FAM163A: variants seen among roughly 807,000 people sequenced by gnomAD.
FAM163A encodes the protein protein FAM163A.
Under a neutral mutation model 12.0 loss-of-function variants are expected in FAM163A, and 7 were observed. The ratio of observed to expected loss-of-function variants is 0.58; its 90% CI spans 0.33 to 1.10. FAM163A has a LOEUF of 1.10. Among genes scored for constraint, FAM163A ranks in the 50% least tolerant of loss-of-function variants. The pLI, the probability that FAM163A is intolerant of heterozygous loss-of-function variation, is 0.03. For synonymous variants in FAM163A, 101 were observed against 91.0 expected (o/e 1.11, Z -0.62); for missense variants, 202 against 218.6 (o/e 0.92, Z 0.48).
At chr1:179,768,404 G>T (rs1687793611) in intron 1 of FAM163A, among the ~76,000 whole-genome samples, 1 of 152,208 alleles carries the variant, frequency 6.6e-6, no homozygotes, top group Admixed American at 6.5e-5. Flanking sequence ...TGTTTGTACA[G>T]ATTTTTATTA....
chr1:179,758,434 A>C (rs1686334238), intron 1 of FAM163A, among the ~76,000 whole-genome samples: 1 of 152,228 alleles, frequency 6.6e-6, no homozygotes, highest in Non-Finnish European at 1.5e-5. Context: ...CAGAAAGAAA[A>C]AAAGGGTGAA....
chr1:179,750,431 A>T (rs17370070), intron 1 of FAM163A, among the ~76,000 whole-genome samples: 10,410 of 152,248 alleles, frequency 0.068, 468 homozygotes, highest in African/African-American at 0.13. Flanking sequence ...CATCCTGAGG[A>T]AGTGATGATT....
rs796510544 is a variant in FAM163A at position 179,801,838 on chromosome 1, G to A, written c.-135-5960G>A. On this transcript the variant is annotated intron_variant, in intron 1 of 4. Coordinates refer to ENST00000341785, the MANE Select transcript of FAM163A (RefSeq NM_173509.3). Reference sequence around the variant, plus strand: ...ATGTGCAGATACCAGGCAGGCGGCCGGAGTGGAGCTTAACAAAGACGCGTG... The same window carrying A: ...ATGTGCAGATACCAGGCAGGCGGCCAGAGTGGAGCTTAACAAAGACGCGTG... 6.6e-5 allele frequency among the ~76,000 whole-genome samples: 10 copies of A among 152,286 alleles called. No homozygotes were observed. In the East Asian group the frequency reaches 1.4e-3, roughly 21 times the overall value.
At chr1:179,750,897 A>T (rs951162692) in intron 1 of FAM163A, among the ~76,000 whole-genome samples, 12 of 152,106 alleles carry the variant, frequency 7.9e-5, no homozygotes, top group African/African-American at 2.9e-4. Context: ...AGATGTGAGA[A>T]ATTCGAGATG....
At chr1:179,767,836 AAAAAATTTATTGTGGTT>A (rs1272296809) in intron 1 of FAM163A, among the ~76,000 whole-genome samples, 1 of 152,206 alleles carries the variant, frequency 6.6e-6, no homozygotes, top group Non-Finnish European at 1.5e-5. Flanking sequence ...AAGTTTTTTT[AAAAAATTTATTGTGGTT>A]AAAAAAAGCA....
At chr1:179,740,172 T>TTTGTTG (rs58589037), upstream of FAM163A, among the ~76,000 whole-genome samples, 35,002 of 150,940 alleles carry the variant, frequency 0.23, 4,640 homozygotes, top group East Asian at 0.61. Context: ...TTATTTGGTT[T>TTTGTTG]TTGTTGTTGT....
chr1:179,732,483 A>G, the FAM163A span, among the ~76,000 whole-genome samples: 1 of 152,206 alleles, frequency 6.6e-6, no homozygotes, highest in East Asian at 1.9e-4. Context: ...ATGACAAAGT[A>G]CACCATGCCC....
chr1:179,766,759 T>A (rs183441298), intron 1 of FAM163A, among the ~76,000 whole-genome samples: 39 of 151,796 alleles, frequency 2.6e-4, no homozygotes, highest in African/African-American at 8.3e-4. Context: ...CTTTCTTTTT[T>A]TTTTTTCGGT....
chr1:179,749,580 G>A (rs765059102), intron 1 of FAM163A, among the ~76,000 whole-genome samples: 45 of 152,208 alleles, frequency 3.0e-4, no homozygotes, highest in Non-Finnish European at 4.9e-4. Context: ...GGCCAGGCGC[G>A]GTGGCCTACG....
intron 1 of FAM163A, among the ~76,000 whole-genome samples, chr1:179,798,268 T>G (rs1692650863): frequency 6.6e-6 from 1 of 152,202 alleles, no homozygotes; most frequent in East Asian, 1.9e-4. Flanking sequence ...AATGTTCCAT[T>G]CCAGCTCTCT....
chr1:179,745,304 A>T (rs1684313896), intron 1 of FAM163A, among the ~76,000 whole-genome samples: 1 of 152,090 alleles, frequency 6.6e-6, no homozygotes, highest in South Asian at 2.1e-4. Flanking sequence ...TGCAGATGAG[A>T]GCAGGTCCCC....
the FAM163A span, chr1:179,730,401 C>T: frequency 2.0e-5 from 3 of 152,188 alleles, no homozygotes; most frequent in East Asian, 5.8e-4. Context: ...TCACATCTGG[C>T]CTCTTTTGTA....
At chr1:179,763,130 A>T (rs949476960) in intron 1 of FAM163A, among the ~76,000 whole-genome samples, 2 of 152,208 alleles carry the variant, frequency 1.3e-5, no homozygotes, top group Admixed American at 6.5e-5. Context: ...TGGGGAGATG[A>T]CCAGGCAAAT....
chr1:179,739,874 T>C (rs1260178731), upstream of FAM163A, among the ~76,000 whole-genome samples: 1 of 152,198 alleles, frequency 6.6e-6, no homozygotes, highest in Non-Finnish European at 1.5e-5. Context: ...TATACATGTA[T>C]AAGAATGGGT....
intron 1 of FAM163A, among the ~76,000 whole-genome samples, chr1:179,779,935 G>T (rs943894397): frequency 6.6e-6 from 1 of 152,224 alleles, no homozygotes; most frequent in Admixed American, 6.5e-5. Context: ...TATGTGAGAA[G>T]GTTGTTTTGA....
At chr1:179,764,098 C>A (rs1687174044) in intron 1 of FAM163A, among the ~76,000 whole-genome samples, 1 of 152,216 alleles carries the variant, frequency 6.6e-6, no homozygotes, top group African/African-American at 2.4e-5. Context: ...ATCAAGCACT[C>A]TTCCCAGGGC....
chr1:179,777,855 A>G (rs1004945581), intron 1 of FAM163A, among the ~76,000 whole-genome samples: 3 of 152,204 alleles, frequency 2.0e-5, no homozygotes, highest in African/African-American at 7.2e-5. Flanking sequence ...GTTGGTTGCT[A>G]AGAAGCTCAG....
intron 1 of FAM163A, among the ~76,000 whole-genome samples, chr1:179,766,230 A>G (rs1000097335): frequency 6.6e-6 from 1 of 152,172 alleles, no homozygotes; most frequent in South Asian, 2.1e-4. Context: ...CCCAAAGCCA[A>G]CTATGAAACC....
At chr1:179,791,326 A>G (rs769040576) in intron 1 of FAM163A, among the ~76,000 whole-genome samples, 5 of 152,100 alleles carry the variant, frequency 3.3e-5, no homozygotes, top group Non-Finnish European at 5.9e-5. Context: ...CCTCCCTTCT[A>G]GACCATATCC....
Sources: allele counts gnomAD v4.1 joint callset (sites outside exome capture counted in the v4.1 genomes callset), GRCh38; gene constraint gnomAD v4.1.1; transcripts MANE v1.5; gene names NCBI Gene and HGNC (gene_info 2026-07-23, HGNC 2026-07-21).